Variants in ZDHHC14 observed in about 807,000 individuals in gnomAD.
ZDHHC14 encodes the protein palmitoyltransferase ZDHHC14.
ZDHHC14 carries 16 observed loss-of-function variants against 47.7 expected under a neutral mutation model. The ratio of observed to expected loss-of-function variants is 0.34; its 90% confidence interval spans 0.23 to 0.51. The LOEUF (loss-of-function observed/expected upper bound fraction) is 0.51, where lower values mean the gene tolerates loss of function less well. ZDHHC14 is among the 20% of genes least tolerant of loss of function. The pLI is 0.97. For missense variants in ZDHHC14, 515 were observed against 662.5 expected, an observed-to-expected ratio of 0.78 and a Z score of 2.44; for synonymous variants, 293 against 278.9, an observed-to-expected ratio of 1.05 and a Z score of -0.50.
chr6:157,671,288 G>A (rs1246201290), intron 8 of ZDHHC14, among the ~76,000 whole-genome samples: 4 of 152,182 alleles, frequency 2.6e-5, no homozygotes, highest in Non-Finnish European at 5.9e-5. Context: ...ACTTTCATCT[G>A]TAAGGTCTTG....
chr6:157,660,586 G>T (rs1429917659), intron 8 of ZDHHC14, among the ~76,000 whole-genome samples: 1 of 152,170 alleles, frequency 6.6e-6, no homozygotes, highest in Non-Finnish European at 1.5e-5. Flanking sequence ...ATGTCTAGGA[G>T]CTGAGGGATA....
chr6:157,546,738 G>T (rs938831608), intron 2 of ZDHHC14, among the ~76,000 whole-genome samples: 9 of 152,280 alleles, frequency 5.9e-5, no homozygotes, highest in Admixed American at 3.3e-4. Flanking sequence ...AGAAAAAAAT[G>T]ACAAAAACTG....
intron 2 of ZDHHC14, among the ~76,000 whole-genome samples, chr6:157,570,734 G>GAT (rs1047110240): frequency 7.3e-5 from 11 of 150,960 alleles, no homozygotes; most frequent in Non-Finnish European, 1.2e-4. Context: ...ACTAATTAGT[G>GAT]ATATATATAT....
At chr6:157,641,911 A>G (rs1311017922) in intron 5 of ZDHHC14, among the ~76,000 whole-genome samples, 1 of 152,134 alleles carries the variant, frequency 6.6e-6, no homozygotes, top group Non-Finnish European at 1.5e-5. Flanking sequence ...TCCCAACTCC[A>G]CTTACTATTT....
intron 2 of ZDHHC14, among the ~76,000 whole-genome samples, chr6:157,569,046 G>GT (rs930996523): frequency 3.3e-5 from 5 of 151,640 alleles, no homozygotes; most frequent in African/African-American, 9.7e-5. Flanking sequence ...TTTTTATGAA[G>GT]TTTTTTTGAC....
intron 2 of ZDHHC14, among the ~76,000 whole-genome samples, chr6:157,553,226 G>T (rs1562477717): frequency 9.9e-5 from 15 of 152,172 alleles, no homozygotes; most frequent in Non-Finnish European, 1.5e-5. Flanking sequence ...GATGGTGGGG[G>T]ATGAGGAGCC....
chr6:157,478,956 G>T (rs1005633564), intron 1 of ZDHHC14, among the ~76,000 whole-genome samples: 2 of 152,172 alleles, frequency 1.3e-5, no homozygotes, highest in African/African-American at 4.8e-5. Flanking sequence ...CCATGATCTG[G>T]GTTGGTTCCC....
chr6:157,668,886 G>A (rs1057169878), intron 8 of ZDHHC14, among the ~76,000 whole-genome samples: 1 of 152,226 alleles, frequency 6.6e-6, no homozygotes, highest in African/African-American at 2.4e-5. Flanking sequence ...CGTAGGTACA[G>A]CATGGCAAAG....
chr6:157,447,913 C>T (rs963482391), intron 1 of ZDHHC14, among the ~76,000 whole-genome samples: 8 of 151,926 alleles, frequency 5.3e-5, no homozygotes, highest in African/African-American at 1.9e-4. Context: ...ACTCTGTTGC[C>T]CAGGCTGGAG....
chr6:157,417,974 G>A (rs898117698), intron 1 of ZDHHC14, among the ~76,000 whole-genome samples: 23 of 150,290 alleles, frequency 1.5e-4, no homozygotes, highest in Admixed American at 4.0e-4. Flanking sequence ...AAAAAAAGAC[G>A]AAGAAGCCCA....
rs1008785609 is a variant in ZDHHC14 at position 157,673,799 on chromosome 6, G to A, written c.*677G>A. 3 of 152,684 alleles carry A rather than the reference G, an allele frequency of 2.0e-5. No homozygotes were observed. The highest frequency in any genetic ancestry group is 7.2e-5 in the African/African-American group (3 of 41,446). 9.5% of individuals were successfully genotyped at this position (152,684 alleles called of 1,614,324 possible). ...CAGAGGGCGGCTGGGGTTCCGTCGT[G>A]TCGGGTGTCACTTCACCTTCTGTTT... On this transcript the variant is annotated 3_prime_UTR_variant, in exon 9 of 9. Coordinates refer to ENST00000359775, the MANE Select transcript of ZDHHC14 (RefSeq NM_024630.3). The surrounding 1 kb of genome is among the most constrained non-coding windows in gnomAD (Gnocchi z 5.4).
chr6:157,488,613 AGAG>A (rs1343904355), intron 1 of ZDHHC14, among the ~76,000 whole-genome samples: 7 of 152,224 alleles, frequency 4.6e-5, no homozygotes, highest in South Asian at 2.1e-4. Context: ...CTGGCTTTGC[AGAG>A]GAGAATTGCA....
At chr6:157,560,981 G>T (rs1052070954) in intron 2 of ZDHHC14, among the ~76,000 whole-genome samples, 2 of 152,222 alleles carry the variant, frequency 1.3e-5, no homozygotes, top group African/African-American at 2.4e-5. Flanking sequence ...AGACTGTAAT[G>T]AGTTGTTTGG....
intron 2 of ZDHHC14, among the ~76,000 whole-genome samples, chr6:157,569,740 GTC>G (rs965670401): frequency 5.3e-4 from 81 of 152,136 alleles, no homozygotes; most frequent in African/African-American, 1.9e-3. Flanking sequence ...CCCCCTTCAA[GTC>G]TCTATATTGT....
chr6:157,641,323 C>T (rs770393193), intron 5 of ZDHHC14, among the ~76,000 whole-genome samples: 20 of 152,192 alleles, frequency 1.3e-4, no homozygotes, highest in Non-Finnish European at 1.3e-4. Flanking sequence ...AAATGCTCCT[C>T]TTAAGACACT....
chr6:157,664,364 A>G (rs1299620784), intron 8 of ZDHHC14, among the ~76,000 whole-genome samples: 1 of 152,204 alleles, frequency 6.6e-6, no homozygotes, highest in East Asian at 1.9e-4. Context: ...TTTATTGACT[A>G]CAGGACATTT....
intron 2 of ZDHHC14, among the ~76,000 whole-genome samples, chr6:157,572,761 C>T (rs1242109807): frequency 6.6e-6 from 1 of 150,900 alleles, no homozygotes; most frequent in Non-Finnish European, 1.5e-5. Flanking sequence ...ACAGTAGGTG[C>T]CTAATAAATA....
In ZDHHC14 at chr6:157,382,062, A is replaced by T. The variant is rs751175377; in HGVS notation, c.41A>T (p.Tyr14Phe). 3 of 1,596,020 alleles carry T rather than the reference A, an allele frequency of 1.9e-6. No homozygotes were observed. The highest frequency in any genetic ancestry group is 3.5e-5 in the Admixed American group (2 of 56,646). The change falls in exon 1 of 9, where the codon TAC becomes TTC. Residue 14 changes from tyrosine (Y) to phenylalanine (F), a missense_variant. Physicochemically the swap from Tyr to Phe is conservative, Grantham distance 22. This residue lies in a region of ZDHHC14 where 59 missense variants were observed against 57.7 expected (regional missense o/e 1.02). Transcript: ENST00000359775. ...GGCGGGCCCATGAAAGACTGCGAGT[A>T]CAGCCAGATCAGCACCCACAGCTCC... ...GGGGPMKDCE[Y>F]SQISTHSSSP...
chr6:157,666,093 G>A (rs1778544363), intron 8 of ZDHHC14, among the ~76,000 whole-genome samples: 1 of 152,166 alleles, frequency 6.6e-6, no homozygotes, highest in South Asian at 2.1e-4. Flanking sequence ...ATCCAGTTAT[G>A]ATCCACTTTT....
Sources: gnomAD v4.1 joint callset for allele counts (sites outside exome capture counted in the v4.1 genomes callset) on GRCh38, gnomAD v4.1.1 for gene constraint, gnomAD v4.1.1 regional missense constraint, Gnocchi (gnomAD v3.1) non-coding constraint, MANE v1.5 for transcripts, NCBI Gene and HGNC (gene_info 2026-07-23, HGNC 2026-07-21) for gene names.